H2BC5: variants seen among roughly 807,000 people sequenced by gnomAD.
H2BC5 encodes histone H2B type 1-D.
In H2BC5, 9 loss-of-function variants were observed where a neutral mutation model predicts 5.7. The observed-to-expected ratio is 1.57, with a 90% CI of 0.95 to 2.74. The LOEUF (loss-of-function observed/expected upper bound fraction) is 2.74. Among genes scored for constraint, H2BC5 ranks in the 30% most tolerant of loss-of-function variants. H2BC5 has a pLI of 0.00. For missense variants in H2BC5, 175 were observed against 168.8 expected (o/e 1.04, Z -0.20); for synonymous variants, 133 against 70.9 (o/e 1.88, Z -4.40).
At position 26,158,313 on chromosome 6, in the gene H2BC5, G is replaced by C. The variant is rs1351314511; in HGVS notation, c.144G>C (p.Gln48His). 6.2e-7 allele frequency: 1 copy of C among 1,614,246 alleles called. No individual in the cohort carries two copies. The change falls in exon 1 of 1, where the codon CAG becomes CAC. Residue 48 changes from glutamine to histidine, a missense_variant. Around this residue, in one of 4 missense-constraint regions of H2BC5, gnomAD observed 119 missense variants for 85.6 expected, o/e 1.39. Coordinates refer to ENST00000377777, the MANE Select transcript of H2BC5 (RefSeq NM_021063.4). ...YSVYVYKVLKQVHPDTGISSK... is the reference protein window; with the variant it reads ...YSVYVYKVLKHVHPDTGISSK... ...TGTATGTGTACAAGGTGCTGAAGCA[G>C]GTCCATCCCGACACCGGCATCTCTT... is the stretch of plus-strand genomic sequence containing the variant.
At chr6:26,161,127 CA>C (rs1764345493), downstream of H2BC5, 1 of 151,650 alleles carries the variant, frequency 6.6e-6, no homozygotes, top group Admixed American at 6.6e-5. Context: ...AGAATCGCTT[CA>C]ACCCAGGAGG....
At chr6:26,164,469 G>C (rs1409574536) in intron 1 of H2BC5, 2 of 167,424 alleles carry the variant, frequency 1.2e-5, no homozygotes, top group African/African-American at 2.4e-5. Context: ...CCTTTGTACT[G>C]AGTAGCAATG....
At chr6:26,165,365 G>A (rs927501239) in intron 1 of H2BC5, among the ~76,000 whole-genome samples, 4 of 152,096 alleles carry the variant, frequency 2.6e-5, no homozygotes, top group African/African-American at 7.2e-5. Flanking sequence ...TGGTGGCTTG[G>A]ATCAGAACCA....
At position 26,158,247 on chromosome 6, in the gene H2BC5, C is replaced by A; in HGVS notation, c.78C>A (p.Asp26Glu). The A allele has an allele frequency of 6.2e-7, 1 of 1,614,210 alleles. No individual in the cohort carries two copies. Among genetic ancestry groups the A allele is most frequent in the Non-Finnish European group, 8.5e-7 (1 of 1,180,044 alleles). The change falls in exon 1 of 1, where the codon GAC (aspartate) becomes GAA (glutamate). Residue 26 changes from aspartate to glutamate, a missense_variant. Physicochemically the swap from Asp to Glu is conservative, Grantham distance 45 (BLOSUM62 2). Transcript: ENST00000377777. ...CGGTGACTAAGGCTCAGAAGAAGGACGGGAAGAAGCGCAAGCGCAGCCGCA... is the reference window on the plus strand; with the variant it reads ...CGGTGACTAAGGCTCAGAAGAAGGAAGGGAAGAAGCGCAAGCGCAGCCGCA... Reference protein sequence around the residue: ...KKAVTKAQKKDGKKRKRSRKE... With the variant: ...KKAVTKAQKKEGKKRKRSRKE...
Position 26,158,195 on chromosome 6 carries a change from CTGCCCCAAAGAAG to C in H2BC5, c.27_39del (p.Lys12ArgfsTer4). On this transcript the variant is annotated frameshift_variant, in exon 1 of 1. Transcript: ENST00000377777. LOFTEE classifies it high-confidence loss of function. ...ATGCCTGAACCTACCAAGTCTGCTC[CTGCCCCAAAGAAG>C]GGCTCCAAGAAGGCGGTGACTAAGG... The C allele has an allele frequency of 6.2e-7, 1 of 1,614,216 alleles. No individual in the cohort carries two copies. The highest frequency in any genetic ancestry group is 8.5e-7 in the Non-Finnish European group (1 of 1,180,030).
chr6:26,158,893 G>T (rs1053917217), downstream of H2BC5, among the ~76,000 whole-genome samples: 3 of 152,174 alleles, frequency 2.0e-5, no homozygotes, highest in Non-Finnish European at 4.4e-5. Flanking sequence ...TCCGGGACTC[G>T]GTGTGGTGAC....
chr6:26,164,076 A>C (rs1409111822), intron 1 of H2BC5: 2 of 461,336 alleles, frequency 4.3e-6, no homozygotes, highest in Non-Finnish European at 8.9e-6. Context: ...CATTGACCCC[A>C]ACTGCAAAAA....
chr6:26,158,266 A>T lies in H2BC5; in HGVS notation c.97A>T (p.Ser33Cys). The change falls in exon 1 of 1, where the codon AGC (serine) becomes TGC (cysteine). Residue 33 changes from serine to cysteine, a missense_variant. Coordinates refer to ENST00000377777, the MANE Select transcript of H2BC5 (RefSeq NM_021063.4). The stretch of plus-strand genomic sequence containing the variant: ...GAAGGACGGGAAGAAGCGCAAGCGC[A>T]GCCGCAAGGAGAGCTATTCAGTGTA... ...QKKDGKKRKR[S>C]RKESYSVYVY... 6.2e-7 allele frequency: 1 copy of T among 1,614,284 alleles called. No homozygotes were observed. Among genetic ancestry groups the T allele is most frequent in the Non-Finnish European group, 8.5e-7 (1 of 1,180,058 alleles).
downstream of H2BC5, chr6:26,161,219 A>G (rs1764347441): frequency 6.6e-6 from 1 of 152,352 alleles, no homozygotes; most frequent in East Asian, 1.9e-4. Flanking sequence ...AAGGAAAAAA[A>G]AAGAAACAAA....
chr6:26,159,271 TTG>T (rs1554163556), downstream of H2BC5, among the ~76,000 whole-genome samples: 26 of 133,230 alleles, frequency 2.0e-4, no homozygotes, highest in African/African-American at 5.5e-4. Context: ...TTTTTTTTTT[TTG>T]GCAGCTTTCA....
chr6:26,159,229 CATTTA>C (rs1353340915), downstream of H2BC5, among the ~76,000 whole-genome samples: 9 of 104,916 alleles, frequency 8.6e-5, no homozygotes, highest in Admixed American at 5.9e-4. Flanking sequence ...TTCTGAAAGT[CATTTA>C]ATTTATAGGT....
chr6:26,159,348 G>A (rs1764314023), downstream of H2BC5, among the ~76,000 whole-genome samples: 1 of 139,478 alleles, frequency 7.2e-6, no homozygotes, highest in Non-Finnish European at 1.5e-5. Context: ...CTGACTGCAC[G>A]TAGGCAATAG....
At chr6:26,170,422 T>C (rs1024668306) in intron 1 of H2BC5, among the ~76,000 whole-genome samples, 9 of 152,206 alleles carry the variant, frequency 5.9e-5, no homozygotes, top group Non-Finnish European at 1.0e-4. Flanking sequence ...TGCACAAATA[T>C]CTATAACTAC....
intron 1 of H2BC5, among the ~76,000 whole-genome samples, chr6:26,168,789 C>A (rs1380620090): frequency 6.6e-6 from 1 of 152,094 alleles, no homozygotes; most frequent in Non-Finnish European, 1.5e-5. Context: ...GGTGCCACTA[C>A]AGTTTATATA....
rs903811841 is a variant in H2BC5, at chr6:26,169,920, AAAAG to A, written c.*10-1051_*10-1048del. On this transcript the variant is annotated intron_variant, in intron 1 of 1. Coordinates refer to the H2BC5 transcript ENST00000289316. ...CATCTCAAAAAAAAGAAAAAAAAGAAAAAGAAAAAGGGGGGTGAGGGAAAGAGCT... is the reference window on the plus strand; with the variant it reads ...CATCTCAAAAAAAAGAAAAAAAAGAAAAAAAGGGGGGTGAGGGAAAGAGCT... Among the ~76,000 whole-genome samples the A allele has an allele frequency of 6.3e-4, 96 of 152,258 alleles. 1 individual carries two copies. The highest frequency in any genetic ancestry group is 5.6e-3 in the Admixed American group (85 of 15,284).
chr6:26,162,844 GT>G (rs1356175673), downstream of H2BC5, among the ~76,000 whole-genome samples: 2 of 152,066 alleles, frequency 1.3e-5, no homozygotes, highest in African/African-American at 2.4e-5. Context: ...GAGCCCGGTA[GT>G]TTCCTTCTAA....
downstream of H2BC5, among the ~76,000 whole-genome samples, chr6:26,159,899 TG>T (rs376119603): frequency 1.4e-4 from 21 of 152,290 alleles, no homozygotes; most frequent in South Asian, 4.4e-3. Context: ...GCCAGGGACT[TG>T]GCCCATGTTA....
chr6:26,165,527 G>A (rs1176730699), intron 1 of H2BC5, among the ~76,000 whole-genome samples: 1 of 151,970 alleles, frequency 6.6e-6, no homozygotes, highest in East Asian at 1.9e-4. Context: ...GAAACCCCAA[G>A]GCCAAGTTTG....
chr6:26,160,416 T>C (rs181191389), downstream of H2BC5, among the ~76,000 whole-genome samples: 421 of 145,226 alleles, frequency 2.9e-3, 3 homozygotes, highest in Admixed American at 0.01. Flanking sequence ...CAACAGACAA[T>C]GGGAGCTGGG....
Sources: allele counts gnomAD v4.1 joint callset (sites outside exome capture counted in the v4.1 genomes callset), GRCh38; gene constraint gnomAD v4.1.1; regional missense constraint gnomAD v4.1.1; transcripts MANE v1.5; gene names NCBI Gene and HGNC (gene_info 2026-07-23, HGNC 2026-07-21).